Variants in FGGY observed in about 807,000 individuals in gnomAD.
The protein encoded by FGGY is FGGY carbohydrate kinase domain containing.
In FGGY, 72 loss-of-function variants were observed where a neutral mutation model predicts 71.3. That is an observed-to-expected ratio of 1.01 (90% confidence interval 0.84 to 1.23). The LOEUF (loss-of-function observed/expected upper bound fraction) is 1.23. Ranked by LOEUF, FGGY falls within the 50% of genes most tolerant of loss-of-function variation. FGGY has a pLI of 0.00. For synonymous variants in FGGY, 251 were observed against 250.3 expected, an observed-to-expected ratio of 1.00 and a Z score of -0.02; for missense variants, 668 against 682.3, an observed-to-expected ratio of 0.98 and a Z score of 0.23.
chr1:59,643,454 C>T (rs1239334017), intron 11 of FGGY, among the ~76,000 whole-genome samples: 2 of 152,114 alleles, frequency 1.3e-5, no homozygotes, highest in Non-Finnish European at 2.9e-5. Flanking sequence ...TTCAGTCTCC[C>T]AAAGTGTTGA....
At chr1:59,601,468 CA>C (rs1228850106) in intron 8 of FGGY, among the ~76,000 whole-genome samples, 1 of 152,178 alleles carries the variant, frequency 6.6e-6, no homozygotes, top group Non-Finnish European at 1.5e-5. Flanking sequence ...GGCAGGAGCA[CA>C]TGGAAAGAGG....
chr1:59,485,365 G>T (rs996090025), intron 6 of FGGY, among the ~76,000 whole-genome samples: 1 of 152,136 alleles, frequency 6.6e-6, no homozygotes, highest in Non-Finnish European at 1.5e-5. Flanking sequence ...TTCCTGAGAC[G>T]TCTCCTTTAA....
chr1:59,726,537 A>G (rs975902422), intron 14 of FGGY, among the ~76,000 whole-genome samples: 13 of 152,166 alleles, frequency 8.5e-5, no homozygotes, highest in African/African-American at 2.9e-4. Context: ...AAAATTCACT[A>G]GTAAAAACCA....
intron 4 of FGGY, among the ~76,000 whole-genome samples, chr1:59,371,037 A>G (rs2057526338): frequency 1.3e-5 from 2 of 152,018 alleles, no homozygotes; most frequent in Admixed American, 1.3e-4. Flanking sequence ...TAATGACAGG[A>G]TCAAATTCAC....
At chr1:59,665,768 G>A (rs1572877684) in intron 12 of FGGY, among the ~76,000 whole-genome samples, 1 of 151,838 alleles carries the variant, frequency 6.6e-6, no homozygotes, top group Non-Finnish European at 1.5e-5. Flanking sequence ...CCACCTCCCA[G>A]GTTCACACCA....
intron 11 of FGGY, among the ~76,000 whole-genome samples, chr1:59,641,907 C>T (rs538434779): frequency 2.0e-5 from 3 of 152,310 alleles, no homozygotes; most frequent in African/African-American, 7.2e-5. Flanking sequence ...CTGAAAACAG[C>T]ATAGCTATTC....
intron 14 of FGGY, among the ~76,000 whole-genome samples, chr1:59,715,652 G>T (rs2097840867): frequency 6.6e-6 from 1 of 152,172 alleles, no homozygotes; most frequent in African/African-American, 2.4e-5. Flanking sequence ...CTGAGCTTTA[G>T]TTTGCTTCCC....
chr1:59,310,650 G>A (rs1282183914), intron 1 of FGGY, among the ~76,000 whole-genome samples: 5 of 152,178 alleles, frequency 3.3e-5, no homozygotes, highest in African/African-American at 1.2e-4. Flanking sequence ...CAGGGTGTCC[G>A]TTGGGTTTGT....
chr1:59,441,642 A>C (rs2069912868), intron 5 of FGGY, among the ~76,000 whole-genome samples: 1 of 152,198 alleles, frequency 6.6e-6, no homozygotes, highest in African/African-American at 2.4e-5. Context: ...TATGTGAATT[A>C]ACCCTGCACT....
At chr1:59,651,481 G>T (rs1292145404) in intron 11 of FGGY, among the ~76,000 whole-genome samples, 1 of 147,318 alleles carries the variant, frequency 6.8e-6, no homozygotes, top group Non-Finnish European at 1.5e-5. Context: ...TCTTCTTGTT[G>T]AATTGATCCC....
intron 9 of FGGY, among the ~76,000 whole-genome samples, chr1:59,617,811 G>A (rs565788035): frequency 6.6e-6 from 1 of 152,132 alleles, no homozygotes; most frequent in East Asian, 1.9e-4. Context: ...TGACTTTCTG[G>A]AACAATTGTG....
At chr1:59,695,376 A>G (rs888111926) in intron 14 of FGGY, among the ~76,000 whole-genome samples, 3 of 152,224 alleles carry the variant, frequency 2.0e-5, no homozygotes, top group Admixed American at 6.5e-5. Context: ...GTGGAGACCC[A>G]AAGGAGGAGT....
At chr1:59,305,585 G>T (rs1420229525) in intron 1 of FGGY, among the ~76,000 whole-genome samples, 1 of 152,160 alleles carries the variant, frequency 6.6e-6, no homozygotes. Flanking sequence ...TAAAATGAGT[G>T]TGGAAGTATT....
intron 8 of FGGY, among the ~76,000 whole-genome samples, chr1:59,601,037 T>C (rs192980337): frequency 6.7e-6 from 1 of 150,034 alleles, no homozygotes; most frequent in African/African-American, 2.5e-5. Context: ...CTGGATTGTG[T>C]ATAAATGGTT....
chr1:59,731,999 C>T (rs983967444), intron 14 of FGGY, among the ~76,000 whole-genome samples: 2 of 152,150 alleles, frequency 1.3e-5, no homozygotes, highest in Non-Finnish European at 2.9e-5. Context: ...TAGCATCAGC[C>T]TCACCGAGCC....
At chr1:59,584,940 T>G (rs184668651) in intron 8 of FGGY, among the ~76,000 whole-genome samples, 1 of 137,002 alleles carries the variant, frequency 7.3e-6, no homozygotes, top group East Asian at 2.0e-4. Context: ...GAGAATAAAA[T>G]AGCTAGGAAT....
intron 5 of FGGY, among the ~76,000 whole-genome samples, chr1:59,455,817 T>C (rs528418275): frequency 6.4e-4 from 98 of 152,356 alleles, no homozygotes; most frequent in Non-Finnish European, 1.2e-3. Flanking sequence ...TGAATTATCA[T>C]GGTGAAGAAG....
chr1:59,470,951 T>C (rs558283229), intron 6 of FGGY, among the ~76,000 whole-genome samples: 1 of 152,250 alleles, frequency 6.6e-6, no homozygotes, highest in African/African-American at 2.4e-5. Flanking sequence ...CCAATTTTAC[T>C]AATTTATATT....
intron 5 of FGGY, among the ~76,000 whole-genome samples, chr1:59,434,899 A>G (rs942087553): frequency 2.0e-5 from 3 of 152,190 alleles, no homozygotes; most frequent in Admixed American, 6.5e-5. Flanking sequence ...ACAGTTACAC[A>G]TTTTGAAGTC....
Sources: allele counts gnomAD v4.1 joint callset (sites outside exome capture counted in the v4.1 genomes callset), GRCh38; gene constraint gnomAD v4.1.1; transcripts MANE v1.5; gene names NCBI Gene and HGNC (gene_info 2026-07-23, HGNC 2026-07-21).